Variants in CSMD1 observed in about 807,000 individuals in gnomAD.
The protein encoded by CSMD1 is CUB and Sushi multiple domains 1.
A neutral mutation model predicts 417.5 loss-of-function variants in CSMD1; 213 were observed. The ratio of observed to expected loss-of-function variants is 0.51; its 90% CI spans 0.46 to 0.57. The LOEUF (loss-of-function observed/expected upper bound fraction) is 0.57, where lower values mean the gene tolerates loss of function less well. Among genes scored for constraint, CSMD1 ranks in the 20% least tolerant of loss-of-function variants. CSMD1 has a pLI of 0.00. For synonymous variants in CSMD1, 2,862 were observed against 1,736.8 expected (o/e 1.65, Z -16.11); for missense variants, 6,923 against 4,529.7 (o/e 1.53, Z -15.17).
At chr8:4,786,960 C>G (rs1269830245) in intron 1 of CSMD1, among the ~76,000 whole-genome samples, 8 of 152,122 alleles carry the variant, frequency 5.3e-5, no homozygotes, top group African/African-American at 1.9e-4. Flanking sequence ...GTTTTTAAGG[C>G]AATATTGTTG....
At chr8:3,206,497 T>G (rs1198369950) in intron 30 of CSMD1, among the ~76,000 whole-genome samples, 10 of 105,102 alleles carry the variant, frequency 9.5e-5, no homozygotes, top group African/African-American at 2.2e-4. Flanking sequence ...TGTGTGTGGG[T>G]GTATGTGTGT....
At chr8:4,166,137 G>T (rs1246344385) in intron 3 of CSMD1, among the ~76,000 whole-genome samples, 2 of 152,062 alleles carry the variant, frequency 1.3e-5, no homozygotes, top group African/African-American at 2.4e-5. Context: ...AACATAATGT[G>T]AACCCCATAA....
At chr8:3,425,112 T>G (rs539913918) in intron 12 of CSMD1, among the ~76,000 whole-genome samples, 14 of 152,290 alleles carry the variant, frequency 9.2e-5, no homozygotes, top group African/African-American at 3.1e-4. Flanking sequence ...AGCGCCACCA[T>G]GCTTGTCCTA....
chr8:4,341,004 T>C (rs1380044393), intron 3 of CSMD1, among the ~76,000 whole-genome samples: 4 of 152,102 alleles, frequency 2.6e-5, no homozygotes, highest in African/African-American at 7.2e-5. Flanking sequence ...ACAGTCATCC[T>C]ATTTTTTCAG....
intron 23 of CSMD1, among the ~76,000 whole-genome samples, chr8:3,317,525 C>A (rs755171699): frequency 3.3e-5 from 5 of 152,078 alleles, no homozygotes; most frequent in Non-Finnish European, 5.9e-5. Context: ...TTGTTGTACT[C>A]ACTTCTTTGT....
At chr8:3,059,314 TTCTG>T (rs147229484) in intron 49 of CSMD1, among the ~76,000 whole-genome samples, 16 of 150,220 alleles carry the variant, frequency 1.1e-4, no homozygotes, top group African/African-American at 3.9e-4. Flanking sequence ...ACACGAGGGC[TTCTG>T]TCTTTATAAG....
chr8:3,390,354 CAAAAAAAAAAA>C (rs35292914), intron 17 of CSMD1, among the ~76,000 whole-genome samples: 1 of 64,248 alleles, frequency 1.6e-5, no homozygotes, highest in Non-Finnish European at 2.7e-5. Context: ...GACTCTGTCT[CAAAAAAAAAAA>C]AAAAAAAAAA....
intron 2 of CSMD1, among the ~76,000 whole-genome samples, chr8:4,434,972 G>A (rs73658893): frequency 0.031 from 4,663 of 152,236 alleles, 244 homozygotes; most frequent in African/African-American, 0.11. Context: ...AAAAAATGAT[G>A]TAATCTAACT....
At chr8:3,299,602 A>T (rs73171131) in intron 25 of CSMD1, among the ~76,000 whole-genome samples, 13,136 of 152,112 alleles carry the variant, frequency 0.086, 775 homozygotes, top group Non-Finnish European at 0.13. Flanking sequence ...CATAGGTGTA[A>T]TTCTGCCTCA....
At chr8:3,839,396 ATT>A (rs1330390655) in intron 5 of CSMD1, among the ~76,000 whole-genome samples, 3 of 118,424 alleles carry the variant, frequency 2.5e-5, no homozygotes, top group Non-Finnish European at 4.9e-5. Context: ...CTCCATATAT[ATT>A]TATATATAAT....
At chr8:3,834,528 T>TTTGGAAGAGAA (rs1156354166) in intron 5 of CSMD1, among the ~76,000 whole-genome samples, 2 of 152,210 alleles carry the variant, frequency 1.3e-5, no homozygotes, top group South Asian at 2.1e-4. Context: ...GAAGCTGCAC[T>TTTGGAAGAGAA]GTGCGTCTCT....
intron 1 of CSMD1, among the ~76,000 whole-genome samples, chr8:4,922,339 A>T (rs969254253): frequency 6.6e-6 from 1 of 152,120 alleles, no homozygotes; most frequent in African/African-American, 2.4e-5. Context: ...CCCCATCTCA[A>T]ACTAGCACTT....
At chr8:4,430,460 G>T (rs114343603) in intron 2 of CSMD1, among the ~76,000 whole-genome samples, 5 of 151,976 alleles carry the variant, frequency 3.3e-5, no homozygotes, top group African/African-American at 4.8e-5. Flanking sequence ...ATTTGGTTAT[G>T]GTGATTTAAT....
chr8:3,205,522 T>A lies in CSMD1; in HGVS notation c.4966A>T (p.Thr1656Ser). The change falls in exon 31 of 70, where the codon ACG becomes TCG. Residue 1656 changes from threonine to serine, a missense_variant. By Grantham distance (58) the Thr-to-Ser change is moderately conservative. Coordinates refer to ENST00000635120, the MANE Select transcript of CSMD1 (RefSeq NM_033225.6). ...TCCTTACCGAATTCCTTTGGTACCG[T>A]GATGGAATAGAGGCATATTTGACCA... ...TAGQICLYSI[T>S]VPKEFVVFGQ... The A allele has an allele frequency of 6.4e-7, 1 of 1,568,590 alleles. No homozygotes were observed. Among genetic ancestry groups the A allele is most frequent in the Non-Finnish European group, 8.7e-7 (1 of 1,145,408 alleles).
intron 1 of CSMD1, among the ~76,000 whole-genome samples, chr8:4,882,587 C>G (rs1366680881): frequency 2.0e-5 from 3 of 151,764 alleles, no homozygotes; most frequent in Admixed American, 6.6e-5. Flanking sequence ...CATTCAACCC[C>G]AAGCATAGAG....
intron 7 of CSMD1, among the ~76,000 whole-genome samples, chr8:3,655,421 T>G (rs962425235): frequency 3.3e-5 from 5 of 152,216 alleles, no homozygotes; most frequent in African/African-American, 1.2e-4. Context: ...AAGATAACAT[T>G]TAATTAGTTT....
intron 1 of CSMD1, among the ~76,000 whole-genome samples, chr8:4,718,103 A>G (rs1438978921): frequency 6.6e-6 from 1 of 152,130 alleles, no homozygotes; most frequent in African/African-American, 2.4e-5. Context: ...TCCTCAAAGT[A>G]CCTGGTATGA....
intron 3 of CSMD1, among the ~76,000 whole-genome samples, chr8:4,194,703 G>C (rs1045474380): frequency 6.6e-6 from 1 of 152,046 alleles, no homozygotes; most frequent in Non-Finnish European, 1.5e-5. Context: ...AAAGCCATTT[G>C]CCAAAGTTCT....
In CSMD1 at chr8:4,155,520, A is replaced by G. The variant is rs1475084951; in HGVS notation, c.416-123421T>C. ...AGTATCGTTCTTAAACGCCAAACTT[A>G]AATGGTTAAAAAAGTTAAGTCTTAG... is the stretch of plus-strand genomic sequence containing the variant. On this transcript the variant is annotated intron_variant, in intron 3 of 69. Transcript: ENST00000635120. Among the ~76,000 whole-genome samples, 3 of 152,334 alleles carry G rather than the reference A, an allele frequency of 2.0e-5. No individual in the cohort carries two copies. The East Asian group carries it at 5.8e-4, about 29-fold the overall frequency.
Sources: allele counts gnomAD v4.1 joint callset (sites outside exome capture counted in the v4.1 genomes callset), GRCh38; gene constraint gnomAD v4.1.1; transcripts MANE v1.5; gene names NCBI Gene and HGNC (gene_info 2026-07-23, HGNC 2026-07-21).